DMXL1: variants seen among roughly 807,000 people sequenced by gnomAD.
DMXL1 encodes the protein dmX-like protein 1.
Under a neutral mutation model 319.2 loss-of-function variants are expected in DMXL1, and 99 were observed. The ratio of observed to expected loss-of-function variants is 0.31; its 90% CI spans 0.26 to 0.37. The LOEUF is 0.37. DMXL1 is among the 10% of genes least tolerant of loss of function. The pLI is 1.00. For synonymous variants in DMXL1, 1,385 were observed against 1,235.2 expected, an observed-to-expected ratio of 1.12 and a Z score of -2.54; for missense variants, 3,745 against 3,595.6, an observed-to-expected ratio of 1.04 and a Z score of -1.06.
At chr5:119,123,220 G>C (rs960868500) in intron 9 of DMXL1, among the ~76,000 whole-genome samples, 3 of 151,932 alleles carry the variant, frequency 2.0e-5, no homozygotes, top group African/African-American at 7.3e-5. Context: ...GGAGAATCAG[G>C]CAGGGAGGCT....
intron 17 of DMXL1, among the ~76,000 whole-genome samples, chr5:119,148,016 T>C (rs1034766957): frequency 1.3e-5 from 2 of 152,216 alleles, no homozygotes; most frequent in Non-Finnish European, 2.9e-5. Flanking sequence ...GTGATTCTTA[T>C]GCTTGCAAAA....
intron 34 of DMXL1, among the ~76,000 whole-genome samples, chr5:119,214,590 T>C (rs1783360712): frequency 6.6e-6 from 1 of 152,118 alleles, no homozygotes; most frequent in African/African-American, 2.4e-5. Context: ...AAATTTAATT[T>C]AAGACTTCTG....
intron 1 of DMXL1, among the ~76,000 whole-genome samples, chr5:119,084,964 T>C (rs1330295827): frequency 6.6e-6 from 1 of 152,192 alleles, no homozygotes; most frequent in Non-Finnish European, 1.5e-5. Flanking sequence ...TTCCATTTTT[T>C]GTGTGTCTGC....
chr5:119,149,120 A>G lies in DMXL1; in HGVS notation c.3293A>G (p.His1098Arg). ...TGTTGGGTCCTTGAGCAGACAATTC[A>G]TTTAGATGAGTTAAGCACAGTATTG... ...GSCWVLEQTI[H>R]LDELSTVLDS... is the part of the protein sequence containing the mutation. Residue 1098 changes from histidine (H) to arginine (R), a missense_variant, in exon 18 of 44, where the codon CAT (histidine) becomes CGT (arginine). Transcript: ENST00000539542. 3 of 1,613,974 alleles carry G rather than the reference A, an allele frequency of 1.9e-6. No homozygotes were observed. Among genetic ancestry groups the G allele is most frequent in the Non-Finnish European group, 2.5e-6 (3 of 1,179,892 alleles).
intron 21 of DMXL1, 68 bp from the exon 22 acceptor site, chr5:119,166,548 A>G (rs921145465): frequency 2.4e-5 from 34 of 1,409,490 alleles, no homozygotes; most frequent in Middle Eastern, 2.1e-4. Flanking sequence ...TCTTAACTTT[A>G]GAAAATTGAT....
intron 28 of DMXL1, among the ~76,000 whole-genome samples, chr5:119,182,377 T>A (rs1776935171): frequency 6.6e-6 from 1 of 152,176 alleles, no homozygotes; most frequent in Admixed American, 6.5e-5. Flanking sequence ...ACATTGTATA[T>A]TGAAGATGAA....
Position 119,071,469 on chromosome 5 carries a change from C to A in DMXL1, c.-101C>A, listed in dbSNP as rs1051517793. 8.1e-7 allele frequency: 1 copy of A among 1,230,482 alleles called. No homozygotes were observed. Among genetic ancestry groups the A allele is most frequent in the Non-Finnish European group, 1.2e-6 (1 of 861,880 alleles). The allele number at this position is 1,230,482 out of a possible 1,614,324, so 76.2% of individuals were successfully genotyped here. A position where few individuals can be genotyped will look rare whatever the true frequency, so the allele number is the denominator to read the frequency against. On this transcript the variant is annotated 5_prime_UTR_variant, in exon 1 of 44. Transcript: ENST00000539542. ...CTGTCGCTGCTTCTGCCGTCGCCAC[C>A]GAAGAGCGGCCGCCGCCCCTGAGGG...
rs183127136 is a variant in DMXL1, at chr5:119,165,275, A to G, written c.4965A>G (p.Leu1655=). The change falls in exon 21 of 44, where the codon TTA becomes TTG. Residue 1655 remains leucine (L), a synonymous_variant. Transcript: ENST00000539542. Reference sequence around the variant, plus strand: ...AAAAGAAAGCTGTGATTTGGGGATTATATAGGTAGGTAAAAAAAAAAAAAA... The same window carrying G: ...AAAAGAAAGCTGTGATTTGGGGATTGTATAGGTAGGTAAAAAAAAAAAAAA... ...AMKKKAVIWG[L]YRAEKNTRMT... The G allele has an allele frequency of 1.4e-6, 2 of 1,410,332 alleles. No homozygotes were observed. The highest frequency in any genetic ancestry group is 2.1e-5 in the Admixed American group (1 of 48,736). 87.4% of individuals were successfully genotyped at this position (1,410,332 alleles called of 1,614,324 possible). A position where few individuals can be genotyped will look rare whatever the true frequency, so the allele number is the denominator to read the frequency against.
chr5:119,152,094 G>T, intron 19 of DMXL1, 58 bp downstream of exon 19: 1 of 1,214,324 alleles, frequency 8.2e-7, no homozygotes. Context: ...TGAGAGACTT[G>T]GGAGTTTTTA....
At chr5:119,217,286 A>G (rs1783859027) in intron 35 of DMXL1, among the ~76,000 whole-genome samples, 1 of 152,156 alleles carries the variant, frequency 6.6e-6, no homozygotes, top group African/African-American at 2.4e-5. Flanking sequence ...ACCCACAGAA[A>G]AAGTTTTTTA....
chr5:119,207,827 A>G lies in DMXL1; in HGVS notation c.7926+931A>G, dbSNP rs562528543. ...GTGAGCCACCGCGCCTGGCCAATTC[A>G]ACTACGACTTTATGAGGTTAATATT... On this transcript the variant is annotated intron_variant, in intron 34 of 43. Coordinates refer to ENST00000539542, the MANE Select transcript of DMXL1 (RefSeq NM_001290321.3). Among the ~76,000 whole-genome samples, 4 of 152,234 alleles carry G rather than the reference A, an allele frequency of 2.6e-5. No homozygotes were observed. The East Asian group carries it at 7.7e-4, about 29-fold the overall frequency.
intron 28 of DMXL1, among the ~76,000 whole-genome samples, chr5:119,186,353 C>G (rs1162996668): frequency 1.3e-5 from 2 of 152,066 alleles, no homozygotes; most frequent in African/African-American, 4.8e-5. Flanking sequence ...TCACTGCAAC[C>G]TCCACCTCCT....
At chr5:119,188,098 C>T (rs1365386312) in intron 28 of DMXL1, among the ~76,000 whole-genome samples, 1 of 152,150 alleles carries the variant, frequency 6.6e-6, no homozygotes, top group African/African-American at 2.4e-5. Context: ...TCTTTAAAAA[C>T]TCTCTTATAT....
intron 1 of DMXL1, among the ~76,000 whole-genome samples, chr5:119,077,456 A>C (rs1472733120): frequency 1.2e-5 from 1 of 82,074 alleles, no homozygotes; most frequent in Admixed American, 1.2e-4. Flanking sequence ...AGTTTCATGT[A>C]TTGTATTACA....
At chr5:119,100,972 G>A (rs1017413737) in intron 2 of DMXL1, among the ~76,000 whole-genome samples, 3 of 151,490 alleles carry the variant, frequency 2.0e-5, no homozygotes, top group Admixed American at 6.6e-5. Flanking sequence ...TAGTAAAGAC[G>A]GGGTTTCACC....
At chr5:119,084,756 TC>T (rs965205338) in intron 1 of DMXL1, among the ~76,000 whole-genome samples, 7 of 151,382 alleles carry the variant, frequency 4.6e-5, no homozygotes, top group African/African-American at 1.7e-4. Context: ...TTCCGGCTAC[TC>T]GGGAGGCGAG....
intron 29 of DMXL1, 55 bp downstream of exon 29, chr5:119,189,941 A>G: frequency 6.6e-7 from 1 of 1,511,958 alleles, no homozygotes; most frequent in Non-Finnish European, 9.0e-7. Flanking sequence ...AAATGAGAAT[A>G]TCAGAAATAA....
intron 1 of DMXL1, among the ~76,000 whole-genome samples, chr5:119,075,653 G>T (rs568435498): frequency 1.3e-5 from 2 of 152,106 alleles, no homozygotes; most frequent in East Asian, 3.9e-4. Flanking sequence ...TTATTTACTG[G>T]AATGCTTCCT....
chr5:119,233,412 G>T lies in DMXL1; in HGVS notation c.8411G>T (p.Arg2804Leu). Residue 2804 changes from arginine to leucine, a missense_variant, in exon 39 of 44, where the codon CGA becomes CTA. This residue lies in a region of DMXL1 where 262 missense variants were observed against 320.5 expected (regional missense o/e 0.82). Coordinates refer to ENST00000539542, the MANE Select transcript of DMXL1 (RefSeq NM_001290321.3). ...CATTCTCAACAAATAACCTGTTTTC[G>T]ATCTGGTGGCAATTCAAGAGTTACA... ...WGHSQQITCFRSGGNSRVTRM... is the reference protein window; with the variant it reads ...WGHSQQITCFLSGGNSRVTRM... The T allele has an allele frequency of 6.2e-7, 1 of 1,612,612 alleles. No individual in the cohort carries two copies. The highest frequency in any genetic ancestry group is 8.5e-7 in the Non-Finnish European group (1 of 1,178,970).
Sources: gnomAD v4.1 joint callset for allele counts (sites outside exome capture counted in the v4.1 genomes callset) on GRCh38, gnomAD v4.1.1 for gene constraint, gnomAD v4.1.1 regional missense constraint, MANE v1.5 for transcripts, NCBI Gene and HGNC (gene_info 2026-07-23, HGNC 2026-07-21) for gene names.